Variants in SNTG1 observed in about 807,000 individuals in gnomAD.
SNTG1 encodes the protein gamma-1-syntrophin.
In SNTG1, 39 loss-of-function variants were observed where a neutral mutation model predicts 74.7. The ratio of observed to expected loss-of-function variants is 0.52; its 90% confidence interval spans 0.40 to 0.68. The LOEUF is 0.68. Ranked by LOEUF, SNTG1 falls within the 30% of genes least tolerant of loss-of-function variation. SNTG1 has a pLI of 0.00. For synonymous variants in SNTG1, 254 were observed against 217.1 expected, an observed-to-expected ratio of 1.17 and a Z score of -1.49; for missense variants, 685 against 609.5, an observed-to-expected ratio of 1.12 and a Z score of -1.30.
chr8:50,181,193 C>G (rs1442918471), intron 2 of SNTG1, among the ~76,000 whole-genome samples: 2 of 152,182 alleles, frequency 1.3e-5, no homozygotes, highest in Non-Finnish European at 1.5e-5. Flanking sequence ...TGCTCTGGAC[C>G]TCACTTTTAG....
intron 1 of SNTG1, among the ~76,000 whole-genome samples, chr8:49,926,826 C>T (rs1044087050): frequency 2.0e-5 from 3 of 152,098 alleles, no homozygotes; most frequent in African/African-American, 4.8e-5. Flanking sequence ...GGAGAAAATA[C>T]TTGCAAAGGA....
In SNTG1 at chr8:50,203,851, A is replaced by G. The variant is rs577725378; in HGVS notation, c.-28+31216A>G. Among the ~76,000 whole-genome samples, 17 of 152,214 alleles carry G rather than the reference A, an allele frequency of 1.1e-4. No homozygotes were observed. The South Asian group carries it at 2.5e-3, about 22-fold the overall frequency. On this transcript the variant is annotated intron_variant, in intron 2 of 18. Coordinates refer to ENST00000642720, the MANE Select transcript of SNTG1 (RefSeq NM_018967.5). Reference sequence around the variant, plus strand: ...TGAAGAATAATGTAAGACTTTTAGTATAAAAATAACAATGTAGGATGACTA... The same window carrying G: ...TGAAGAATAATGTAAGACTTTTAGTGTAAAAATAACAATGTAGGATGACTA...
chr8:50,738,752 C>A (rs1380623563), intron 17 of SNTG1, among the ~76,000 whole-genome samples: 1 of 151,386 alleles, frequency 6.6e-6, no homozygotes, highest in African/African-American at 2.4e-5. Context: ...AGAAATAACA[C>A]CACACATCTA....
chr8:49,967,041 G>GA (rs560584140), intron 1 of SNTG1, among the ~76,000 whole-genome samples: 3 of 152,128 alleles, frequency 2.0e-5, no homozygotes, highest in Non-Finnish European at 2.9e-5. Context: ...CACTCTATTA[G>GA]AAAAAATGCC....
At chr8:49,916,624 C>T (rs1380488003) in intron 1 of SNTG1, among the ~76,000 whole-genome samples, 1 of 152,008 alleles carries the variant, frequency 6.6e-6, no homozygotes, top group East Asian at 1.9e-4. Context: ...TAAGTGCTTG[C>T]CTGGTAAATT....
intron 13 of SNTG1, among the ~76,000 whole-genome samples, chr8:50,607,464 T>A (rs2094821082): frequency 6.6e-6 from 1 of 151,764 alleles, no homozygotes; most frequent in Non-Finnish European, 1.5e-5. Flanking sequence ...TAGGAATTCA[T>A]GCATTTCATT....
rs2082322286 is a variant in SNTG1, at chr8:50,158,624, T to C, written c.-102-13937T>C. ...ACAGACATTTTCCTATTTTTCCACG[T>C]TGATTTATGTAGCTGGAGTTCATTG... is the stretch of plus-strand genomic sequence containing the variant. On this transcript the variant is annotated intron_variant, in intron 1 of 18. Transcript: ENST00000642720. Among the ~76,000 whole-genome samples the C allele has an allele frequency of 1.3e-5, 2 of 152,180 alleles. 1 individual carries two copies. Among genetic ancestry groups the C allele is most frequent in the East Asian group, 3.9e-4 (2 of 5,194 alleles).
intron 13 of SNTG1, among the ~76,000 whole-genome samples, chr8:50,591,676 T>C (rs1162769853): frequency 6.6e-6 from 1 of 152,218 alleles, no homozygotes; most frequent in African/African-American, 2.4e-5. Context: ...AGAATTTATG[T>C]TTTGTAGAAA....
chr8:50,237,607 T>G (rs2132108809), intron 2 of SNTG1, among the ~76,000 whole-genome samples: 1 of 152,302 alleles, frequency 6.6e-6, no homozygotes, highest in Middle Eastern at 3.4e-3. Context: ...AATGATTTTT[T>G]TCCTGAACTC....
chr8:49,978,614 G>A (rs1025403598), intron 1 of SNTG1, among the ~76,000 whole-genome samples: 24 of 152,156 alleles, frequency 1.6e-4, no homozygotes, highest in Admixed American at 9.2e-4. Context: ...AAAGGCCCAT[G>A]TTTCATTTAA....
chr8:50,543,147 T>C (rs2094360629), intron 11 of SNTG1, among the ~76,000 whole-genome samples: 1 of 152,228 alleles, frequency 6.6e-6, no homozygotes, highest in African/African-American at 2.4e-5. Flanking sequence ...GAAAACATCT[T>C]AGCCCAGACT....
rs535880508 is a variant in SNTG1, at chr8:49,941,533, A to T, written c.-103+29302A>T. 5.2e-5 allele frequency among the ~76,000 whole-genome samples: 6 copies of T among 114,716 alleles called. No individual in the cohort carries two copies. The South Asian group carries it at 1.1e-3, about 20-fold the overall frequency. The allele number at this position is 114,716 out of a possible 152,430, so 75.3% of individuals were successfully genotyped here. A position where few individuals can be genotyped will look rare whatever the true frequency, so the allele number is the denominator to read the frequency against. On this transcript the variant is annotated intron_variant, in intron 1 of 18. Transcript: ENST00000642720. ...ATATTATATATTTACATTAACTTTT[A>T]TATATATATATATATGCATATTTGA...
chr8:50,424,199 G>A (rs1464769369), intron 4 of SNTG1, among the ~76,000 whole-genome samples: 3 of 152,122 alleles, frequency 2.0e-5, no homozygotes, highest in Non-Finnish European at 2.9e-5. Flanking sequence ...GAGAGATAGC[G>A]ATATGTGCCA....
intron 2 of SNTG1, among the ~76,000 whole-genome samples, chr8:50,254,852 A>AT (rs2086804448): frequency 4.8e-5 from 1 of 20,908 alleles, no homozygotes; most frequent in Admixed American, 7.6e-4. Flanking sequence ...GACTCCTCAA[A>AT]GAAAAAAAAA....
intron 8 of SNTG1, among the ~76,000 whole-genome samples, chr8:50,453,053 GC>G (rs995021996): frequency 1.7e-4 from 26 of 152,248 alleles, no homozygotes; most frequent in African/African-American, 5.8e-4. Flanking sequence ...TGTTGTTTGT[GC>G]ATGTAACTTT....
intron 3 of SNTG1, among the ~76,000 whole-genome samples, chr8:50,398,811 A>G (rs1474600521): frequency 6.6e-6 from 1 of 152,086 alleles, no homozygotes; most frequent in South Asian, 2.1e-4. Context: ...GGCACCTGTA[A>G]TCCCAGCTAC....
chr8:50,387,620 C>T (rs1172977101), intron 2 of SNTG1, among the ~76,000 whole-genome samples: 1 of 152,090 alleles, frequency 6.6e-6, no homozygotes, highest in Non-Finnish European at 1.5e-5. Flanking sequence ...TGACCTAGTC[C>T]AAATTTATGT....
chr8:50,657,253 C>T (rs73676381), intron 14 of SNTG1, among the ~76,000 whole-genome samples: 5,551 of 152,040 alleles, frequency 0.037, 305 homozygotes, highest in African/African-American at 0.12. Flanking sequence ...AATAGTGAAC[C>T]TATAAAATAA....
chr8:50,506,166 G>A (rs915401607), intron 9 of SNTG1, among the ~76,000 whole-genome samples: 4 of 152,130 alleles, frequency 2.6e-5, no homozygotes, highest in African/African-American at 9.6e-5. Context: ...ATCACATATT[G>A]AGGGTTAATT....
Sources: gnomAD v4.1 joint callset for allele counts (sites outside exome capture counted in the v4.1 genomes callset) on GRCh38, gnomAD v4.1.1 for gene constraint, MANE v1.5 for transcripts, NCBI Gene and HGNC (gene_info 2026-07-23, HGNC 2026-07-21) for gene names.